The following CA10 variants were observed in gnomAD, a reference collection of about 807,000 sequenced individuals.
CA10 encodes carbonic anhydrase-related protein 10.
Under a neutral mutation model 44.2 loss-of-function variants are expected in CA10, and 14 were observed. That is an observed-to-expected ratio of 0.32 (90% confidence interval 0.21 to 0.50). The LOEUF is 0.50. Ranked by LOEUF, CA10 falls within the 20% of genes least tolerant of loss-of-function variation. CA10 has a pLI of 0.99. For missense variants in CA10, 350 were observed against 409.7 expected, an observed-to-expected ratio of 0.85 and a Z score of 1.26; for synonymous variants, 159 against 141.6, an observed-to-expected ratio of 1.12 and a Z score of -0.87.
intron 1 of CA10, among the ~76,000 whole-genome samples, chr17:52,117,720 A>C (rs1367633593): frequency 6.6e-6 from 1 of 152,246 alleles, no homozygotes; most frequent in Non-Finnish European, 1.5e-5. Flanking sequence ...TATAACATGT[A>C]ATTGAGACCA....
intron 3 of CA10, among the ~76,000 whole-genome samples, chr17:51,830,054 G>A (rs1264866518): frequency 2.0e-5 from 3 of 152,014 alleles, no homozygotes; most frequent in African/African-American, 4.8e-5. Context: ...AAAATTAGCC[G>A]GGTGTGTTGG....
intron 1 of CA10, among the ~76,000 whole-genome samples, chr17:52,093,067 A>G (rs953541831): frequency 6.6e-6 from 1 of 152,118 alleles, no homozygotes; most frequent in Non-Finnish European, 1.5e-5. Context: ...ATGTTGTTTC[A>G]CTTAAAGTCA....
intron 4 of CA10, among the ~76,000 whole-genome samples, chr17:51,721,743 C>T (rs1310941825): frequency 6.6e-6 from 1 of 152,090 alleles, no homozygotes; most frequent in Non-Finnish European, 1.5e-5. Flanking sequence ...TGATGAGCTT[C>T]CCGATTGGTG....
intron 3 of CA10, among the ~76,000 whole-genome samples, chr17:51,777,576 G>A (rs183930381): frequency 4.2e-4 from 64 of 152,272 alleles, no homozygotes; most frequent in Non-Finnish European, 7.6e-4. Context: ...TCAGATATGT[G>A]TATAGTCATC....
At position 51,780,331 on chromosome 17, in the gene CA10, T is replaced by A. The variant is rs75640688; in HGVS notation, c.280-32513A>T. Among the ~76,000 whole-genome samples, 673 of 152,268 alleles carry A rather than the reference T, an allele frequency of 4.4e-3. 2 individuals carry two copies. The highest frequency in any genetic ancestry group is 9.7e-3 in the South Asian group (47 of 4,822). On this transcript the variant is annotated intron_variant, in intron 3 of 8. Coordinates refer to ENST00000451037, the MANE Select transcript of CA10 (RefSeq NM_020178.5). ...AGGAAGGCATGCAGGCTCATCAAGG[T>A]GGAGAGACTTGCTCAGTGCTACTTG...
chr17:51,741,847 T>A (rs550439111), intron 4 of CA10, among the ~76,000 whole-genome samples: 1 of 152,174 alleles, frequency 6.6e-6, no homozygotes, highest in Non-Finnish European at 1.5e-5. Flanking sequence ...AACAAAGGAC[T>A]ATGGTTCCAA....
At chr17:51,804,901 T>G (rs554004787) in intron 3 of CA10, among the ~76,000 whole-genome samples, 1 of 152,210 alleles carries the variant, frequency 6.6e-6, no homozygotes, top group East Asian at 1.9e-4. Context: ...AGGTCTTAAG[T>G]TCCTTAATTG....
intron 2 of CA10, among the ~76,000 whole-genome samples, chr17:52,058,769 G>C (rs1185832197): frequency 6.6e-6 from 1 of 152,124 alleles, no homozygotes; most frequent in Non-Finnish European, 1.5e-5. Flanking sequence ...CAAAGGTAGG[G>C]TTAGTTGTTT....
intron 3 of CA10, among the ~76,000 whole-genome samples, chr17:51,876,160 G>GTTTTTTT (rs3033579): frequency 6.7e-5 from 4 of 59,796 alleles, no homozygotes; most frequent in African/African-American, 3.0e-4. Flanking sequence ...TTCTTCTCTC[G>GTTTTTTT]TTTTTTTTTT....
chr17:51,792,336 T>C (rs951703909), intron 3 of CA10, among the ~76,000 whole-genome samples: 2 of 152,218 alleles, frequency 1.3e-5, no homozygotes, highest in African/African-American at 2.4e-5. Context: ...TCAGTAAGCA[T>C]TGAAACAAGA....
At chr17:52,008,893 T>A (rs1985692575) in intron 2 of CA10, among the ~76,000 whole-genome samples, 1 of 151,992 alleles carries the variant, frequency 6.6e-6, no homozygotes, top group Non-Finnish European at 1.5e-5. Flanking sequence ...GTTTCACCTT[T>A]CCCTCAGTTC....
In CA10 at chr17:51,949,435, C is replaced by T. The variant is rs1208459487; in HGVS notation, c.137-18303G>A. 3.3e-5 allele frequency among the ~76,000 whole-genome samples: 5 copies of T among 152,286 alleles called. No homozygotes were observed. The East Asian group carries it at 9.7e-4, about 29-fold the overall frequency. On this transcript the variant is annotated intron_variant, in intron 2 of 8. Transcript: ENST00000451037. ...AATTTTAACTCTGTGCCTCTGCCTT[C>T]AATCAAGCCATAAGTACCTGTCAGA... is the stretch of plus-strand genomic sequence containing the variant.
At chr17:52,105,002 C>T (rs1438614853) in intron 1 of CA10, among the ~76,000 whole-genome samples, 3 of 152,162 alleles carry the variant, frequency 2.0e-5, no homozygotes, top group Non-Finnish European at 4.4e-5. Flanking sequence ...GCACTTTAGA[C>T]TCACCTGAAG....
rs73987146 is a variant in CA10, at chr17:51,670,610, T to C, written c.466-16874A>G. ...GATCCCTGAGCTCCATTCCAGCTCTTTCTCTGGATTTATCTGTAGCATCCA... is the reference window on the plus strand; with the variant it reads ...GATCCCTGAGCTCCATTCCAGCTCTCTCTCTGGATTTATCTGTAGCATCCA... On this transcript the variant is annotated intron_variant, in intron 4 of 8. Transcript: ENST00000451037. Among the ~76,000 whole-genome samples the C allele has an allele frequency of 6.8e-3, 1,029 of 152,256 alleles. 12 individuals carry two copies. Among genetic ancestry groups the C allele is most frequent in the African/African-American group, 0.023 (971 of 41,538 alleles).
intron 2 of CA10, among the ~76,000 whole-genome samples, chr17:51,949,973 A>G (rs1401228334): frequency 6.6e-6 from 1 of 152,160 alleles, no homozygotes; most frequent in Non-Finnish European, 1.5e-5. Context: ...TTTATTCATA[A>G]ATTACATATG....
At chr17:51,717,680 T>C (rs1260441905) in intron 4 of CA10, among the ~76,000 whole-genome samples, 15 of 75,736 alleles carry the variant, frequency 2.0e-4, no homozygotes, top group Non-Finnish European at 2.8e-4. Flanking sequence ...TATATATGTA[T>C]ATATGTATAC....
At chr17:52,048,123 G>A (rs1297907765) in intron 2 of CA10, among the ~76,000 whole-genome samples, 2 of 151,858 alleles carry the variant, frequency 1.3e-5, no homozygotes, top group Admixed American at 6.6e-5. Context: ...CCAAACTGGG[G>A]GAAAAAATGT....
chr17:52,072,865 T>TGA (rs1987722240), intron 1 of CA10, among the ~76,000 whole-genome samples: 1 of 152,082 alleles, frequency 6.6e-6, no homozygotes, highest in South Asian at 2.1e-4. Flanking sequence ...CCAGCTTTCC[T>TGA]TAGGTCCCAG....
intron 3 of CA10, among the ~76,000 whole-genome samples, chr17:51,755,330 C>T (rs931803904): frequency 6.6e-6 from 1 of 152,104 alleles, no homozygotes; most frequent in Non-Finnish European, 1.5e-5. Flanking sequence ...ACAAAATACA[C>T]ATGTCAAAGG....
Sources: allele counts gnomAD v4.1 joint callset (sites outside exome capture counted in the v4.1 genomes callset), GRCh38; gene constraint gnomAD v4.1.1; transcripts MANE v1.5; gene names NCBI Gene and HGNC (gene_info 2026-07-23, HGNC 2026-07-21).